Variants in UGT1A6 observed in about 807,000 individuals in gnomAD.
UGT1A6 encodes UDP glucuronosyltransferase family 1 member A6, also known as UDP-glucuronosyltransferase 1A6.
A neutral mutation model predicts 44.4 loss-of-function variants in UGT1A6; 32 were observed. That is an observed-to-expected ratio of 0.72 (90% CI 0.54 to 0.97). UGT1A6 has a LOEUF of 0.97. Ranked by LOEUF, UGT1A6 falls within the 50% of genes least tolerant of loss-of-function variation. The probability of loss-of-function intolerance (pLI) is 0.00; values close to 1 mark genes in which losing one functional copy is unlikely to be tolerated. For missense variants in UGT1A6, 685 were observed against 661.9 expected (o/e 1.03, Z -0.38); for synonymous variants, 238 against 248.5 (o/e 0.96, Z 0.40).
chr2:233,701,045 G>A (rs1263864656), intron 1 of UGT1A6, among the ~76,000 whole-genome samples: 1 of 152,130 alleles, frequency 6.6e-6, no homozygotes, highest in Non-Finnish European at 1.5e-5. Context: ...CAAAGGACAT[G>A]AACTCATAAT....
At chr2:233,698,950 A>G (rs1271213424) in intron 1 of UGT1A6, among the ~76,000 whole-genome samples, 2 of 152,224 alleles carry the variant, frequency 1.3e-5, no homozygotes, top group Non-Finnish European at 2.9e-5. Context: ...TTTCTGTCCA[A>G]GCTGGCCCTT....
chr2:233,751,728 CCTCT>C (rs1694798514), intron 1 of UGT1A6, among the ~76,000 whole-genome samples: 2 of 152,164 alleles, frequency 1.3e-5, no homozygotes, highest in South Asian at 2.1e-4. Flanking sequence ...GTGAACTCTT[CCTCT>C]CTGTTTCTCT....
intron 1 of UGT1A6, among the ~76,000 whole-genome samples, chr2:233,699,277 G>C (rs571854472): frequency 2.9e-4 from 44 of 152,142 alleles, no homozygotes; most frequent in African/African-American, 1.1e-3. Context: ...CTTGAATCCA[G>C]GCCAGATGCT....
chr2:233,714,370 A>C (rs778374945), intron 1 of UGT1A6, among the ~76,000 whole-genome samples: 6 of 152,228 alleles, frequency 3.9e-5, no homozygotes, highest in African/African-American at 9.6e-5. Context: ...AAGTTGACTC[A>C]GTTCAGTGGA....
intron 1 of UGT1A6, among the ~76,000 whole-genome samples, chr2:233,716,620 A>G (rs1358679333): frequency 2.0e-5 from 3 of 152,166 alleles, no homozygotes; most frequent in Non-Finnish European, 2.9e-5. Context: ...GGTTTATTCT[A>G]GTGAAGTTTT....
intron 1 of UGT1A6, chr2:233,753,360 G>C (rs1270331798): frequency 6.6e-6 from 1 of 152,184 alleles, no homozygotes; most frequent in Non-Finnish European, 1.5e-5. Flanking sequence ...TATTACTTGG[G>C]TGCCATTCCA....
At chr2:233,692,097 C>T (rs527331361), upstream of UGT1A6, 1 of 152,210 alleles carries the variant, frequency 6.6e-6, no homozygotes, top group African/African-American at 2.4e-5. Flanking sequence ...ATTTGATCAC[C>T]GATGGGCAAC....
chr2:233,714,065 G>C (rs1559360185), intron 1 of UGT1A6, among the ~76,000 whole-genome samples: 1 of 152,156 alleles, frequency 6.6e-6, no homozygotes, highest in Non-Finnish European at 1.5e-5. Context: ...AGAGGAAGGA[G>C]AGGCAGGGAC....
chr2:233,729,045 G>T lies in UGT1A6; in HGVS notation c.861+35180G>T. 4.4e-6 allele frequency: 7 copies of T among 1,607,648 alleles called. No homozygotes were observed. In the South Asian group the frequency reaches 7.8e-5, roughly 18 times the overall value. ...ACGTTGATTTGCTAAGTGGCTCAGT[G>T]ACAAGGTAATTAAGATGAAGAAAGC... On this transcript the variant is annotated intron_variant, in intron 1 of 4. Transcript: ENST00000305139.
chr2:233,706,256 G>A (rs1203609602), intron 1 of UGT1A6, among the ~76,000 whole-genome samples: 2 of 152,248 alleles, frequency 1.3e-5, no homozygotes, highest in African/African-American at 4.8e-5. Context: ...AACCAGGGCA[G>A]CTGGATTGCC....
chr2:233,718,517 T>G (rs2076659127), intron 1 of UGT1A6, among the ~76,000 whole-genome samples: 2 of 152,204 alleles, frequency 1.3e-5, no homozygotes, highest in African/African-American at 2.4e-5. Context: ...ATGAAATGGG[T>G]GTCCACAGCC....
intron 1 of UGT1A6, among the ~76,000 whole-genome samples, chr2:233,712,803 C>G (rs2076255861): frequency 6.6e-6 from 1 of 152,168 alleles, no homozygotes; most frequent in African/African-American, 2.4e-5. Context: ...TCGGTCTTTC[C>G]CAGGGTGGGG....
At chr2:233,747,551 T>C in intron 1 of UGT1A6, 1 of 1,601,212 alleles carries the variant, frequency 6.2e-7, no homozygotes, top group Non-Finnish European at 8.6e-7. Context: ...TTTCTAAAAG[T>C]ATGGCAATTT....
chr2:233,742,539 ATGGCCAGTTTAGGGGCCAGCTTC>A (rs1692013291), intron 1 of UGT1A6, among the ~76,000 whole-genome samples: 1 of 151,860 alleles, frequency 6.6e-6, no homozygotes, highest in African/African-American at 2.4e-5. Flanking sequence ...GATTTTGTTT[ATGGCCAGTTTAGGGGCCAGCTTC>A]TGGCCGGAAT....
intron 1 of UGT1A6, chr2:233,721,603 G>A: frequency 5.7e-6 from 1 of 176,650 alleles, no homozygotes; most frequent in Non-Finnish European, 1.2e-5. Context: ...TCAGGTTTAG[G>A]AACAATTTGT....
In UGT1A6 at chr2:233,692,942, G is replaced by C. The variant is rs867020660; in HGVS notation, c.-63G>C. On this transcript the variant is annotated 5_prime_UTR_variant, in exon 1 of 5. Coordinates refer to ENST00000305139, the MANE Select transcript of UGT1A6 (RefSeq NM_001072.4). The stretch of plus-strand genomic sequence containing the variant: ...GTGGTTAGTTTAGGGAAAATACCTA[G>C]GAGCCCTGTGATTTGGAGAGTGAAA... 6.3e-7 allele frequency: 1 copy of C among 1,596,314 alleles called. No homozygotes were observed. Among genetic ancestry groups the C allele is most frequent in the African/African-American group, 1.3e-5 (1 of 74,388 alleles).
At chr2:233,747,473 T>A in intron 1 of UGT1A6, 2 of 1,608,772 alleles carry the variant, frequency 1.2e-6, no homozygotes, top group South Asian at 2.2e-5. Context: ...GGACCCAGGA[T>A]GAATTTGATC....
intron 1 of UGT1A6, chr2:233,743,786 C>T: frequency 7.3e-7 from 1 of 1,367,346 alleles, no homozygotes; most frequent in Middle Eastern, 2.1e-4. Context: ...CTTGAATCTC[C>T]TCTCCGCTTC....
intron 1 of UGT1A6, among the ~76,000 whole-genome samples, chr2:233,702,299 A>G (rs912021093): frequency 1.3e-5 from 2 of 152,188 alleles, no homozygotes; most frequent in African/African-American, 4.8e-5. Context: ...AGAGTTTTGT[A>G]TATTGATCTT....
Sources: allele counts gnomAD v4.1 joint callset (sites outside exome capture counted in the v4.1 genomes callset), GRCh38; gene constraint gnomAD v4.1.1; transcripts MANE v1.5; gene names NCBI Gene and HGNC (gene_info 2026-07-23, HGNC 2026-07-21).